NUP98: variants seen among roughly 807,000 people sequenced by gnomAD.
NUP98 encodes the protein nucleoporin 98 and 96 precursor, also known as nuclear pore complex protein Nup98-Nup96.
A neutral mutation model predicts 191.9 loss-of-function variants in NUP98; 26 were observed. That is an observed-to-expected ratio of 0.14 (90% CI 0.10 to 0.19). The LOEUF (loss-of-function observed/expected upper bound fraction) is 0.19. Ranked by LOEUF, NUP98 falls within the 10% of genes least tolerant of loss-of-function variation. The pLI, the probability that NUP98 is intolerant of heterozygous loss-of-function variation, is 1.00. For synonymous variants in NUP98, 808 were observed against 778.4 expected (o/e 1.04, Z -0.63); for missense variants, 1,941 against 2,178.8 (o/e 0.89, Z 2.17).
Position 3,687,483 on chromosome 11 carries a change from T to C in NUP98, c.4455-1289A>G, listed in dbSNP as rs140677212. On this transcript the variant is annotated intron_variant, in intron 28 of 32. Transcript: ENST00000324932. ...GCCTAACCTACAGTTGCAAAAATTT[T>C]CTGCTTTGTTTTCTTCTAGAAGGTT... Among the ~76,000 whole-genome samples, 4 of 152,350 alleles carry C rather than the reference T, an allele frequency of 2.6e-5. No individual in the cohort carries two copies. The East Asian group carries it at 7.7e-4, about 29-fold the overall frequency.
At chr11:3,697,992 G>C (rs1483814124) in intron 25 of NUP98, among the ~76,000 whole-genome samples, 1 of 151,968 alleles carries the variant, frequency 6.6e-6, no homozygotes, top group African/African-American at 2.4e-5. Context: ...ATATTTATTT[G>C]AATGAATTGA....
intron 1 of NUP98, among the ~76,000 whole-genome samples, chr11:3,786,937 T>C (rs1239018232): frequency 6.6e-6 from 1 of 152,202 alleles, no homozygotes; most frequent in East Asian, 1.9e-4. Context: ...TAAACTCCTT[T>C]GTATCAAAGC....
intron 30 of NUP98, among the ~76,000 whole-genome samples, chr11:3,682,664 A>G (rs1181320947): frequency 6.6e-6 from 1 of 152,250 alleles, no homozygotes; most frequent in African/African-American, 2.4e-5. Context: ...TCACCATAAC[A>G]GATATAGTAA....
chr11:3,781,968 G>A (rs1346030616), intron 2 of NUP98, 74 bp downstream of exon 2: 3 of 951,940 alleles, frequency 3.2e-6, no homozygotes, highest in Non-Finnish European at 4.9e-6. Context: ...CCCACCTAAA[G>A]CTTATCAGAG....
At chr11:3,739,601 G>A (rs941095564) in intron 12 of NUP98, among the ~76,000 whole-genome samples, 5 of 152,128 alleles carry the variant, frequency 3.3e-5, no homozygotes, top group Non-Finnish European at 4.4e-5. Flanking sequence ...ATGAAAACTC[G>A]AATTCACCTC....
intron 23 of NUP98, 21 bp from the exon 24 acceptor site, chr11:3,700,860 T>C (rs750280230): frequency 1.3e-6 from 2 of 1,550,478 alleles, no homozygotes; most frequent in South Asian, 1.1e-5. Flanking sequence ...AAATGAGGAA[T>C]AGAATAGAAA....
At chr11:3,772,341 G>A (rs987978850) in intron 6 of NUP98, among the ~76,000 whole-genome samples, 11 of 152,158 alleles carry the variant, frequency 7.2e-5, no homozygotes, top group South Asian at 2.1e-4. Flanking sequence ...TCTCAAGTCC[G>A]GATGTTCCTG....
chr11:3,698,260 G>A (rs1227444060), intron 25 of NUP98, among the ~76,000 whole-genome samples: 1 of 152,178 alleles, frequency 6.6e-6, no homozygotes, highest in Non-Finnish European at 1.5e-5. Context: ...GTATTACAAA[G>A]TAAAGAATTA....
At chr11:3,694,324 T>A (rs1043614019) in intron 26 of NUP98, among the ~76,000 whole-genome samples, 1 of 151,442 alleles carries the variant, frequency 6.6e-6, no homozygotes. Flanking sequence ...TGAGCCAAGA[T>A]TGTGCCACTC....
chr11:3,767,879 T>C (rs2081391065), intron 8 of NUP98, among the ~76,000 whole-genome samples: 1 of 152,002 alleles, frequency 6.6e-6, no homozygotes, highest in Admixed American at 6.6e-5. Flanking sequence ...GAACGTTCCC[T>C]TAGTTCCTGT....
chr11:3,794,406 C>T (rs976528663), intron 1 of NUP98, among the ~76,000 whole-genome samples: 2 of 152,028 alleles, frequency 1.3e-5, no homozygotes, highest in Non-Finnish European at 2.9e-5. Flanking sequence ...CTGCAACCTC[C>T]GCCTCCCGAG....
At chr11:3,767,899 T>C (rs1438100212) in intron 8 of NUP98, among the ~76,000 whole-genome samples, 1 of 152,108 alleles carries the variant, frequency 6.6e-6, no homozygotes, top group East Asian at 1.9e-4. Flanking sequence ...TTGTTGGCTA[T>C]ATTCTGAAAT....
chr11:3,680,350 T>C (rs1384298169), intron 30 of NUP98, among the ~76,000 whole-genome samples: 1 of 152,166 alleles, frequency 6.6e-6, no homozygotes, highest in Non-Finnish European at 1.5e-5. Flanking sequence ...TCCTCATGAG[T>C]GACACCAGTT....
At chr11:3,740,080 C>A (rs1345983637) in intron 12 of NUP98, among the ~76,000 whole-genome samples, 1 of 152,164 alleles carries the variant, frequency 6.6e-6, no homozygotes, top group African/African-American at 2.4e-5. Context: ...GTCAGCACCC[C>A]TAACCCTCAT....
At chr11:3,797,051 T>C (rs2082665608) in intron 1 of NUP98, among the ~76,000 whole-genome samples, 1 of 152,236 alleles carries the variant, frequency 6.6e-6, no homozygotes, top group Non-Finnish European at 1.5e-5. Flanking sequence ...GCAGACCGTA[T>C]TCAGGGTTTC....
In NUP98 at chr11:3,790,294, A is replaced by G. The variant is rs1412595178; in HGVS notation, c.-29+7106T>C. Among the ~76,000 whole-genome samples the G allele has an allele frequency of 5.9e-5, 9 of 152,180 alleles. 1 individual carries two copies. The highest frequency in any genetic ancestry group is 1.2e-4 in the Non-Finnish European group (8 of 68,026). On this transcript the variant is annotated intron_variant, in intron 1 of 32. Transcript: ENST00000324932. ...ATTTTTTAGCCATGAAACCCGACAT[A>G]TAAAACAGACATAAGCAGAAGCTGC...
At chr11:3,774,283 G>A (rs2081630083) in intron 5 of NUP98, among the ~76,000 whole-genome samples, 1 of 152,048 alleles carries the variant, frequency 6.6e-6, no homozygotes, top group African/African-American at 2.4e-5. Context: ...GTGGTAGCGT[G>A]CACCTGTAGT....
In NUP98 at chr11:3,744,749, T is replaced by A. The variant is rs1034989852; in HGVS notation, c.1268-100A>T. 6 of 1,325,032 alleles carry A rather than the reference T, an allele frequency of 4.5e-6. No homozygotes were observed. In the African/African-American group the frequency reaches 8.8e-5, roughly 20 times the overall value. 82.1% of individuals were successfully genotyped at this position (1,325,032 alleles called of 1,614,324 possible). ...AAATATAATACATTTGGAAACTTCA[T>A]AGTGACCACTCATTTCAACAAAGGG... On this transcript the variant is annotated intron_variant, in intron 11 of 32. Coordinates refer to ENST00000324932, the MANE Select transcript of NUP98 (RefSeq NM_016320.5).
At chr11:3,686,539 G>A (rs2078138483) in intron 28 of NUP98, among the ~76,000 whole-genome samples, 2 of 151,840 alleles carry the variant, frequency 1.3e-5, no homozygotes. Context: ...TTTTTTTTGA[G>A]ACAGAGTCTC....
Sources: gnomAD v4.1 joint callset for allele counts (sites outside exome capture counted in the v4.1 genomes callset) on GRCh38, gnomAD v4.1.1 for gene constraint, MANE v1.5 for transcripts, NCBI Gene and HGNC (gene_info 2026-07-23, HGNC 2026-07-21) for gene names.